The following MARCHF8 variants were observed in gnomAD, a reference collection of about 807,000 sequenced individuals.
MARCHF8 encodes membrane associated ring-CH-type finger 8.
A neutral mutation model predicts 51.6 loss-of-function variants in MARCHF8; 40 were observed. The ratio of observed to expected loss-of-function variants is 0.77; its 90% confidence interval spans 0.60 to 1.01. The LOEUF is 1.01. MARCHF8 is among the 50% of genes least tolerant of loss of function. The pLI is 0.00. For synonymous variants in MARCHF8, 263 were observed against 280.3 expected (o/e 0.94, Z 0.62); for missense variants, 685 against 708.6 (o/e 0.97, Z 0.38).
At chr10:45,491,892 A>G (rs1033759334) in intron 2 of MARCHF8, among the ~76,000 whole-genome samples, 3 of 152,226 alleles carry the variant, frequency 2.0e-5, no homozygotes, top group African/African-American at 7.2e-5. Flanking sequence ...ATCTACAGAG[A>G]AGTTCACAAG....
At position 45,464,152 on chromosome 10, in the gene MARCHF8, A is replaced by C; in HGVS notation, c.242+87T>G. On this transcript the variant is annotated intron_variant, in intron 4 of 7. Transcript: ENST00000453424. ...GTTTAGACCAAAGGCAGATTGATTAAGCAAATGGAAATTCAAGAACCTACA... is the reference window on the plus strand; with the variant it reads ...GTTTAGACCAAAGGCAGATTGATTACGCAAATGGAAATTCAAGAACCTACA... 3 of 1,569,236 alleles carry C rather than the reference A, an allele frequency of 1.9e-6. No individual in the cohort carries two copies. The East Asian group carries it at 6.7e-5, about 35-fold the overall frequency.
At chr10:45,524,587 T>C (rs1232564145) in intron 2 of MARCHF8, among the ~76,000 whole-genome samples, 1 of 152,198 alleles carries the variant, frequency 6.6e-6, no homozygotes, top group Non-Finnish European at 1.5e-5. Flanking sequence ...TAAAGATGCA[T>C]ATTCATCTCT....
intron 1 of MARCHF8, among the ~76,000 whole-genome samples, chr10:45,580,494 T>G (rs2044543027): frequency 6.6e-6 from 1 of 152,178 alleles, no homozygotes; most frequent in African/African-American, 2.4e-5. Context: ...CTCCAAGTAT[T>G]TCTTGAGGCC....
At chr10:45,567,496 G>C (rs892287925) in intron 1 of MARCHF8, among the ~76,000 whole-genome samples, 1 of 152,114 alleles carries the variant, frequency 6.6e-6, no homozygotes, top group Non-Finnish European at 1.5e-5. Flanking sequence ...TCTGCATATG[G>C]ATATCCAGTT....
chr10:45,553,577 C>T (rs989564949), intron 1 of MARCHF8, among the ~76,000 whole-genome samples: 2 of 152,152 alleles, frequency 1.3e-5, no homozygotes, highest in Non-Finnish European at 2.9e-5. Flanking sequence ...GTATTCACTG[C>T]AGCACTATTT....
intron 3 of MARCHF8, among the ~76,000 whole-genome samples, chr10:45,473,388 G>A (rs1411617421): frequency 6.6e-6 from 1 of 152,240 alleles, no homozygotes; most frequent in Non-Finnish European, 1.5e-5. Flanking sequence ...TACAGAGCCA[G>A]GCTGGCTAGG....
intron 1 of MARCHF8, among the ~76,000 whole-genome samples, chr10:45,569,099 A>G (rs561788578): frequency 1.3e-5 from 2 of 151,912 alleles, no homozygotes; most frequent in African/African-American, 4.8e-5. Flanking sequence ...GCAAAAAAAA[A>G]CCACATCATA....
chr10:45,547,587 G>A (rs760422992), intron 1 of MARCHF8, among the ~76,000 whole-genome samples: 5 of 152,270 alleles, frequency 3.3e-5, no homozygotes, highest in East Asian at 1.9e-4. Context: ...TGCAGCAACC[G>A]ATCAGGTGAA....
At chr10:45,586,858 C>T (rs2044624111) in intron 1 of MARCHF8, among the ~76,000 whole-genome samples, 1 of 151,978 alleles carries the variant, frequency 6.6e-6, no homozygotes, top group African/African-American at 2.4e-5. Context: ...GGATAAAAGT[C>T]CTCTGTCAGA....
chr10:45,548,950 A>G (rs1040670591), intron 1 of MARCHF8, among the ~76,000 whole-genome samples: 15 of 151,132 alleles, frequency 9.9e-5, no homozygotes, highest in African/African-American at 3.4e-4. Context: ...ACCCAAGATC[A>G]TGCCATTGCA....
chr10:45,507,648 A>G (rs551606015), intron 2 of MARCHF8, among the ~76,000 whole-genome samples: 1 of 152,306 alleles, frequency 6.6e-6, no homozygotes, highest in South Asian at 2.1e-4. Context: ...CCCCTCTCAG[A>G]AGACCCTACA....
chr10:45,503,569 A>AAAT (rs1358394777), intron 2 of MARCHF8, among the ~76,000 whole-genome samples: 32 of 148,424 alleles, frequency 2.2e-4, no homozygotes, highest in African/African-American at 7.4e-4. Flanking sequence ...ATAAATAAAT[A>AAAT]AAATAAAAAC....
chr10:45,459,858 C>T (rs1312020613), intron 6 of MARCHF8: 1 of 985,332 alleles, frequency 1.0e-6, no homozygotes, highest in Admixed American at 6.1e-5. Context: ...TCCAAATAGC[C>T]AGACTTTCTT....
intron 5 of MARCHF8, chr10:45,462,043 A>C (rs1405523803): frequency 6.6e-6 from 1 of 152,246 alleles, no homozygotes; most frequent in Non-Finnish European, 1.5e-5. Context: ...TTTCCAAGGA[A>C]GTATGCAACA....
intron 3 of MARCHF8, among the ~76,000 whole-genome samples, chr10:45,480,650 G>T (rs2042869301): frequency 6.6e-6 from 1 of 152,216 alleles, no homozygotes; most frequent in Non-Finnish European, 1.5e-5. Context: ...CTTCCATGTG[G>T]TGTTGAGCCT....
chr10:45,468,207 G>A (rs191378884), intron 3 of MARCHF8, among the ~76,000 whole-genome samples: 17 of 152,198 alleles, frequency 1.1e-4, no homozygotes, highest in African/African-American at 3.9e-4. Flanking sequence ...AAGAACATAC[G>A]GGGAAAAAAA....
chr10:45,471,913 T>C (rs533278366), intron 3 of MARCHF8, among the ~76,000 whole-genome samples: 1 of 152,352 alleles, frequency 6.6e-6, no homozygotes, highest in South Asian at 2.1e-4. Context: ...AGGTCTCATA[T>C]CTGCTACAAA....
At chr10:45,493,847 A>G (rs1311881765) in intron 2 of MARCHF8, among the ~76,000 whole-genome samples, 1 of 152,188 alleles carries the variant, frequency 6.6e-6, no homozygotes, top group Non-Finnish European at 1.5e-5. Flanking sequence ...ATTCACGAGT[A>G]CCATCATGTC....
chr10:45,544,285 G>C (rs1183593707), intron 1 of MARCHF8, among the ~76,000 whole-genome samples: 1 of 152,122 alleles, frequency 6.6e-6, no homozygotes, highest in Admixed American at 6.6e-5. Context: ...ATATAAATTG[G>C]TATAGATACT....
Sources: allele counts gnomAD v4.1 joint callset (sites outside exome capture counted in the v4.1 genomes callset), GRCh38; gene constraint gnomAD v4.1.1; transcripts MANE v1.5; gene names NCBI Gene and HGNC (gene_info 2026-07-23, HGNC 2026-07-21).